Variants in LARS2 observed in about 807,000 individuals in gnomAD.
LARS2 encodes the protein leucyl-tRNA synthetase 2, mitochondrial.
In LARS2, 81 loss-of-function variants were observed where a neutral mutation model predicts 116.6. The ratio of observed to expected loss-of-function variants is 0.69; its 90% CI spans 0.58 to 0.84. The LOEUF (loss-of-function observed/expected upper bound fraction) is 0.84, where lower values mean the gene tolerates loss of function less well. Among genes scored for constraint, LARS2 ranks in the 40% least tolerant of loss-of-function variants. The pLI, the probability that LARS2 is intolerant of heterozygous loss-of-function variation, is 0.00. For synonymous variants in LARS2, 396 were observed against 407.2 expected (o/e 0.97, Z 0.33); for missense variants, 968 against 1,114.5 (o/e 0.87, Z 1.87).
chr3:45,416,428 T>C (rs1241671920), intron 4 of LARS2, among the ~76,000 whole-genome samples: 1 of 152,080 alleles, frequency 6.6e-6, no homozygotes, highest in African/African-American at 2.4e-5. Context: ...TAAGAGGGAC[T>C]GTGTGCCGGA....
chr3:45,425,600 C>T lies in LARS2; in HGVS notation c.516+5871C>T, dbSNP rs532604861. 2.6e-4 allele frequency among the ~76,000 whole-genome samples: 40 copies of T among 152,310 alleles called. 1 individual carries two copies. The South Asian group carries it at 3.5e-3, about 13-fold the overall frequency. ...AGTTTTGTCCATCAGTGCCTCATAG[C>T]CTGTATAAAGTAGGGTGAACATTGA... On this transcript the variant is annotated intron_variant, in intron 6 of 21. Coordinates refer to ENST00000645846, the MANE Select transcript of LARS2 (RefSeq NM_015340.4).
rs140446003 is a variant in LARS2, at chr3:45,392,341, G to A, written c.-22+693G>A. On this transcript the variant is annotated intron_variant, in intron 2 of 21. Coordinates refer to ENST00000645846, the MANE Select transcript of LARS2 (RefSeq NM_015340.4). Reference sequence around the variant, plus strand: ...TTTTGAGATGGAGTCTTGTTTTGTCGCCCAGGCTCTGGAGTGCAGTGGCGC... The same window carrying A: ...TTTTGAGATGGAGTCTTGTTTTGTCACCCAGGCTCTGGAGTGCAGTGGCGC... Among the ~76,000 whole-genome samples the A allele has an allele frequency of 1.1e-3, 148 of 139,800 alleles. No homozygotes were observed. The East Asian group carries it at 0.023, about 22-fold the overall frequency. The allele number at this position is 139,800 out of a possible 152,430, so 91.7% of individuals were successfully genotyped here. A position where few individuals can be genotyped will look rare whatever the true frequency, so the allele number is the denominator to read the frequency against.
intron 20 of LARS2, among the ~76,000 whole-genome samples, chr3:45,528,506 A>G (rs1700565623): frequency 6.6e-6 from 1 of 152,172 alleles, no homozygotes; most frequent in Non-Finnish European, 1.5e-5. Context: ...AAATTTATAT[A>G]CTTGTGCACC....
At chr3:45,482,245 T>C (rs1699715397) in intron 10 of LARS2, among the ~76,000 whole-genome samples, 1 of 152,210 alleles carries the variant, frequency 6.6e-6, no homozygotes, top group African/African-American at 2.4e-5. Flanking sequence ...CTTAATATCC[T>C]AAGTCTTTCC....
At chr3:45,418,392 C>T (rs1403151483) in intron 5 of LARS2, among the ~76,000 whole-genome samples, 10 of 152,102 alleles carry the variant, frequency 6.6e-5, no homozygotes. Context: ...TCTTCCTAAC[C>T]CCTAGCTTCT....
chr3:45,540,084 C>A (rs1164345156), intron 20 of LARS2, among the ~76,000 whole-genome samples: 1 of 151,882 alleles, frequency 6.6e-6, no homozygotes, highest in East Asian at 1.9e-4. Flanking sequence ...ATGATGAAAC[C>A]CCATCTCTAC....
chr3:45,443,540 T>C (rs1258414311), intron 6 of LARS2, among the ~76,000 whole-genome samples: 1 of 152,062 alleles, frequency 6.6e-6, no homozygotes, highest in Non-Finnish European at 1.5e-5. Flanking sequence ...CTTCATGGAG[T>C]GGACATTACT....
chr3:45,396,515 G>A (rs946814326), intron 3 of LARS2, among the ~76,000 whole-genome samples: 6 of 152,162 alleles, frequency 3.9e-5, no homozygotes, highest in African/African-American at 9.7e-5. Context: ...AGACTATGAC[G>A]GAATGCTCAT....
intron 20 of LARS2, among the ~76,000 whole-genome samples, chr3:45,530,231 A>G (rs1700595086): frequency 6.6e-6 from 1 of 152,216 alleles, no homozygotes; most frequent in South Asian, 2.1e-4. Flanking sequence ...CTTTTAAAAT[A>G]ACCACATTAG....
At position 45,488,772 on chromosome 3, in the gene LARS2, C is replaced by T; in HGVS notation, c.1199C>T (p.Thr400Ile). ...CTGGCCTACTCTGAAGTCATTGAAACTTTGCCAGATGGCACAGAGAGACTG... is the reference window on the plus strand; with the variant it reads ...CTGGCCTACTCTGAAGTCATTGAAATTTTGCCAGATGGCACAGAGAGACTG... ...LGLAYSEVIE[T>I]LPDGTERLSS... Residue 400 changes from threonine (T) to isoleucine (I), a missense_variant, in exon 12 of 22, where the codon ACT becomes ATT. Physicochemically the swap from Thr to Ile is moderately conservative, Grantham distance 89 (BLOSUM62 -1). Coordinates refer to ENST00000645846, the MANE Select transcript of LARS2 (RefSeq NM_015340.4). The T allele has an allele frequency of 6.2e-7, 1 of 1,613,870 alleles. No homozygotes were observed. Among genetic ancestry groups the T allele is most frequent in the Non-Finnish European group, 8.5e-7 (1 of 1,179,742 alleles).
chr3:45,500,402 A>G (rs374919581), intron 14 of LARS2, 40 bp from the exon 15 acceptor site: 54 of 1,592,498 alleles, frequency 3.4e-5, no homozygotes, highest in Non-Finnish European at 4.5e-5. Flanking sequence ...CAATTGTGGC[A>G]AAGCAGGTTT....
intron 13 of LARS2, among the ~76,000 whole-genome samples, chr3:45,493,460 G>A (rs1699959089): frequency 6.6e-6 from 1 of 152,140 alleles, no homozygotes; most frequent in Non-Finnish European, 1.5e-5. Context: ...GCCGAGCAAG[G>A]CAGCCCAGTG....
intron 8 of LARS2, among the ~76,000 whole-genome samples, chr3:45,468,290 G>A (rs1054051089): frequency 1.3e-5 from 2 of 152,050 alleles, no homozygotes; most frequent in Admixed American, 1.3e-4. Flanking sequence ...ATGTCCCCTG[G>A]GATGGCTGTT....
At chr3:45,471,080 A>C (rs1699517337) in intron 8 of LARS2, among the ~76,000 whole-genome samples, 1 of 151,102 alleles carries the variant, frequency 6.6e-6, no homozygotes, top group South Asian at 2.1e-4. Flanking sequence ...AAGGATATAA[A>C]CTAAACAAAA....
In LARS2 at chr3:45,417,143, G is replaced by C. The variant is rs372070339; in HGVS notation, c.364-339G>C. Among the ~76,000 whole-genome samples, 256 of 151,542 alleles carry C rather than the reference G, an allele frequency of 1.7e-3. 1 individual carries two copies. Among genetic ancestry groups the C allele is most frequent in the African/African-American group, 5.8e-3 (239 of 41,376 alleles). ...TGGAAAGCCTATACATTATGTGTGT[G>C]TGTGTGTATATATATATGTGAAACT... On this transcript the variant is annotated intron_variant, in intron 4 of 21. Coordinates refer to ENST00000645846, the MANE Select transcript of LARS2 (RefSeq NM_015340.4).
At chr3:45,516,919 C>G (rs1168405043) in intron 17 of LARS2, among the ~76,000 whole-genome samples, 1 of 152,064 alleles carries the variant, frequency 6.6e-6, no homozygotes, top group African/African-American at 2.4e-5. Flanking sequence ...TAGAATAAAC[C>G]CGTCCAACAG....
At position 45,464,545 on chromosome 3, in the gene LARS2, T is replaced by A. The variant is rs115799309; in HGVS notation, c.750+5659T>A. ...CTCTCCAGTCACATCGTCCCCTTAA[T>A]CCCCTTCACCCCTGTCACTCCTGTG... On this transcript the variant is annotated intron_variant, in intron 8 of 21. Transcript: ENST00000645846. Among the ~76,000 whole-genome samples the A allele has an allele frequency of 3.4e-3, 520 of 152,200 alleles. 3 individuals carry two copies. The highest frequency in any genetic ancestry group is 0.012 in the African/African-American group (488 of 41,536).
intron 7 of LARS2, among the ~76,000 whole-genome samples, chr3:45,448,435 T>C (rs1447572168): frequency 6.6e-6 from 1 of 152,078 alleles, no homozygotes; most frequent in Non-Finnish European, 1.5e-5. Context: ...ACTGCTACAG[T>C]AGTGCCAAGA....
At chr3:45,513,980 T>C (rs547910561) in intron 16 of LARS2, among the ~76,000 whole-genome samples, 51 of 152,128 alleles carry the variant, frequency 3.4e-4, no homozygotes, top group Non-Finnish European at 6.5e-4. Flanking sequence ...CCAAGGCAGG[T>C]GGATCACCTG....
Sources: gnomAD v4.1 joint callset for allele counts (sites outside exome capture counted in the v4.1 genomes callset) on GRCh38, gnomAD v4.1.1 for gene constraint, MANE v1.5 for transcripts, NCBI Gene and HGNC (gene_info 2026-07-23, HGNC 2026-07-21) for gene names.